The following ZNF594 variants were observed in gnomAD, a reference collection of about 807,000 sequenced individuals.
ZNF594 encodes the protein zinc finger protein 594.
For synonymous variants in ZNF594, 336 were observed against 309.4 expected (o/e 1.09, Z -0.90); for missense variants, 1,037 against 964.6 (o/e 1.08, Z -0.99).
chr17:5,182,291 C>T lies in ZNF594; in HGVS notation c.1966G>A (p.Glu656Lys). Residue 656 changes from glutamate (E) to lysine (K), a missense_variant, in exon 2 of 2, where the codon GAA becomes AAA. Coordinates refer to ENST00000575779, the MANE Select transcript of ZNF594 (RefSeq NM_032530.2). ...CTCTGGCTGAAGGCTTTCCCACATT[C>T]ACTACATTCATAGGGTTTCTCTCCA... is the stretch of plus-strand genomic sequence containing the variant. Reference protein sequence around the residue: ...HTGEKPYECSECGKAFSQRSH... With the variant: ...HTGEKPYECSKCGKAFSQRSH... 1.2e-6 allele frequency: 2 copies of T among 1,613,608 alleles called. No individual in the cohort carries two copies. Among genetic ancestry groups the T allele is most frequent in the Non-Finnish European group, 8.5e-7 (1 of 1,179,974 alleles).
At position 5,182,377 on chromosome 17, in the gene ZNF594, T is replaced by C. The variant is rs1437213746; in HGVS notation, c.1880A>G (p.Asn627Ser). Residue 627 changes from asparagine to serine, a missense_variant, in exon 2 of 2, where the codon AAC (asparagine) becomes AGC (serine). Transcript: ENST00000575779. ...ACCCCTAAAAGATTTCCCACATTTG[T>C]TGCATACATAAGGTTTTTCTCCACT... ...IHSGEKPYVC[N>S]KCGKSFRGSS... 13 of 1,613,514 alleles carry C rather than the reference T, an allele frequency of 8.1e-6. No homozygotes were observed. The highest frequency in any genetic ancestry group is 8.5e-6 in the Non-Finnish European group (10 of 1,179,942).
chr17:5,182,558 C>A lies in ZNF594; in HGVS notation c.1699G>T (p.Ala567Ser), dbSNP rs2144243479. 1 of 1,613,670 alleles carries A rather than the reference C, an allele frequency of 6.2e-7. No homozygotes were observed. The highest frequency in any genetic ancestry group is 2.2e-5 in the East Asian group (1 of 44,798). The change falls in exon 2 of 2, where the codon GCT becomes TCT. Residue 567 changes from alanine (A) to serine (S), a missense_variant. Ala to Ser is a moderately conservative substitution (Grantham distance 99). Coordinates refer to ENST00000575779, the MANE Select transcript of ZNF594 (RefSeq NM_032530.2). The part of the protein sequence containing the change: ...GEQKIHQEAK[A>S]YWCNQCGRAF... ...CTACCACACTGATTACACCAATAAG[C>A]TTTCGCTTCCTGGTGAATTTTCTGC...
At position 5,180,611 on chromosome 17, in the gene ZNF594, G is replaced by A. The variant is rs534738131; in HGVS notation, c.*1222C>T. 8.1e-4 allele frequency: 155 copies of A among 192,442 alleles called. No homozygotes were observed. Among genetic ancestry groups the A allele is most frequent in the African/African-American group, 3.5e-3 (147 of 41,836 alleles). 11.9% of individuals were successfully genotyped at this position (192,442 alleles called of 1,614,324 possible). ...CCTTTGGGAGGCTGAGGAGGGAGGA[G>A]TGCTTGAGCCCAAGAGTTCAAGTCC... On this transcript the variant is annotated 3_prime_UTR_variant, in exon 2 of 2. Transcript: ENST00000575779.
In ZNF594 at chr17:5,181,817, T is replaced by C. The variant is rs2074343252; in HGVS notation, c.*16A>G. On this transcript the variant is annotated 3_prime_UTR_variant, in exon 2 of 2. Coordinates refer to ENST00000575779, the MANE Select transcript of ZNF594 (RefSeq NM_032530.2). ...CACATTTATTGCATACGTAAGGTTT[T>C]TCTCCACTGTGAATTCTATGATGTC... 6.2e-7 allele frequency: 1 copy of C among 1,614,024 alleles called. No homozygotes were observed. The highest frequency in any genetic ancestry group is 1.6e-4 in the Middle Eastern group (1 of 6,062).
intron 1 of ZNF594, among the ~76,000 whole-genome samples, chr17:5,187,675 C>T (rs547218990): frequency 1.4e-4 from 21 of 152,212 alleles, no homozygotes; most frequent in African/African-American, 7.2e-5. Flanking sequence ...GCCCTAGCTT[C>T]GTCATCTATA....
In ZNF594 at chr17:5,184,231, T is replaced by G. The variant is rs565892083; in HGVS notation, c.26A>C (p.Glu9Ala). Residue 9 changes from glutamate (E) to alanine (A), a missense_variant, in exon 2 of 2, where the codon GAA becomes GCA. Coordinates refer to ENST00000575779, the MANE Select transcript of ZNF594 (RefSeq NM_032530.2). MKEWKSKMEISEEKKSARA... is the reference protein window; with the variant it reads MKEWKSKMAISEEKKSARA... ...TGCTGACTTCTTTTCTTCAGAAATT[T>G]CCATCTTTGATTTCCATTCCTTCAT... 19 of 1,613,036 alleles carry G rather than the reference T, an allele frequency of 1.2e-5. No homozygotes were observed. In the African/African-American group the frequency reaches 2.1e-4, roughly 18 times the overall value.
In ZNF594 at chr17:5,181,807, CG is replaced by C. The variant is rs766366553; in HGVS notation, c.*25del. The C allele has an allele frequency of 2.5e-5, 41 of 1,613,668 alleles. No homozygotes were observed. The Admixed American group carries it at 6.8e-4, about 27-fold the overall frequency. On this transcript the variant is annotated 3_prime_UTR_variant, in exon 2 of 2. Coordinates refer to ENST00000575779, the MANE Select transcript of ZNF594 (RefSeq NM_032530.2). Reference sequence around the variant, plus strand: ...AAAGATTCCCCACATTTATTGCATACGTAAGGTTTTTCTCCACTGTGAATTC... The same window carrying C: ...AAAGATTCCCCACATTTATTGCATACTAAGGTTTTTCTCCACTGTGAATTC...
In ZNF594 at chr17:5,182,197, T is replaced by G. The variant is rs1156548169; in HGVS notation, c.2060A>C (p.Asn687Thr). The change falls in exon 2 of 2, where the codon AAT (asparagine) becomes ACT (threonine). Residue 687 changes from asparagine to threonine, a missense_variant. Coordinates refer to ENST00000575779, the MANE Select transcript of ZNF594 (RefSeq NM_032530.2). The part of the protein sequence containing the change: ...EKPYQCSECG[N>T]AFRRRSLLIQ... ...AAGGAGGGAACGCCGCCTGAAGGCATTCCCACATTCACTGCACTGATAGGG... is the reference window on the plus strand; with the variant it reads ...AAGGAGGGAACGCCGCCTGAAGGCAGTCCCACATTCACTGCACTGATAGGG... 6.2e-7 allele frequency: 1 copy of G among 1,613,490 alleles called. No homozygotes were observed. The highest frequency in any genetic ancestry group is 2.2e-5 in the East Asian group (1 of 44,872).
At chr17:5,177,197 TA>T (rs79095133), downstream of ZNF594, among the ~76,000 whole-genome samples, 1,597 of 106,036 alleles carry the variant, frequency 0.015, 20 homozygotes, top group East Asian at 0.045. Context: ...CTCTGTCTCA[TA>T]AAAAAAAAAA....
At chr17:5,175,767 C>T (rs1294576915), downstream of ZNF594, among the ~76,000 whole-genome samples, 22 of 151,804 alleles carry the variant, frequency 1.4e-4, no homozygotes. Flanking sequence ...ACCAGAGATG[C>T]CCCTTGTTGT....
rs965031754 is a variant in ZNF594 at position 5,188,902 on chromosome 17, T to C, written c.-21+2846A>G. ...AGCTGGGACTACAGGCGCCCACCAGTACGCCCAGCTAATTTTTTGTACTTT... is the reference window on the plus strand; with the variant it reads ...AGCTGGGACTACAGGCGCCCACCAGCACGCCCAGCTAATTTTTTGTACTTT... On this transcript the variant is annotated intron_variant, in intron 1 of 1. Coordinates refer to ENST00000575779, the MANE Select transcript of ZNF594 (RefSeq NM_032530.2). Among the ~76,000 whole-genome samples, 209 of 151,580 alleles carry C rather than the reference T, an allele frequency of 1.4e-3. 1 individual carries two copies. Among genetic ancestry groups the C allele is most frequent in the Middle Eastern group, 3.4e-3 (1 of 294 alleles).
Position 5,180,994 on chromosome 17 carries a change from T to C in ZNF594, c.*839A>G, listed in dbSNP as rs1252662907. ...TTACAGTCTTCAAATTCCTTTCCAA[T>C]GTGAAGTTTCTGGTGCTTAAGAAAA... is the stretch of plus-strand genomic sequence containing the variant. On this transcript the variant is annotated 3_prime_UTR_variant, in exon 2 of 2. Coordinates refer to ENST00000575779, the MANE Select transcript of ZNF594 (RefSeq NM_032530.2). The C allele has an allele frequency of 4.0e-6, 3 of 749,884 alleles. No homozygotes were observed. The highest frequency in any genetic ancestry group is 5.3e-5 in the East Asian group (2 of 37,608). 46.5% of individuals were successfully genotyped at this position (749,884 alleles called of 1,614,324 possible). A position where few individuals can be genotyped will look rare whatever the true frequency, so the allele number is the denominator to read the frequency against.
At chr17:5,187,233 T>G (rs1341204140) in intron 1 of ZNF594, among the ~76,000 whole-genome samples, 1 of 152,158 alleles carries the variant, frequency 6.6e-6, no homozygotes, top group Non-Finnish European at 1.5e-5. Flanking sequence ...TCTTACATTG[T>G]GGTGGCAAGA....
intron 1 of ZNF594, among the ~76,000 whole-genome samples, chr17:5,187,944 C>T (rs2074396547): frequency 6.8e-6 from 1 of 146,098 alleles, no homozygotes; most frequent in African/African-American, 2.5e-5. Flanking sequence ...GCTGGTCTCA[C>T]ACTCCTGGGC....
chr17:5,187,685 A>G (rs2074394098), intron 1 of ZNF594, among the ~76,000 whole-genome samples: 1 of 152,214 alleles, frequency 6.6e-6, no homozygotes, highest in African/African-American at 2.4e-5. Context: ...CGTCATCTAT[A>G]AAATGGAGAT....
chr17:5,174,943 TTATC>T (rs2074293490), downstream of ZNF594: 1 of 190,124 alleles, frequency 5.3e-6, no homozygotes, highest in African/African-American at 2.3e-5. Context: ...GTGTACCTGT[TTATC>T]TGTTAACTAT....
At chr17:5,175,770 CTTG>C (rs895167131), downstream of ZNF594, among the ~76,000 whole-genome samples, 57 of 152,054 alleles carry the variant, frequency 3.7e-4, no homozygotes, top group African/African-American at 1.3e-3. Context: ...AGAGATGCCC[CTTG>C]TTGTCTGTCT....
the ZNF594 span, chr17:5,174,093 T>G: frequency 9.7e-6 from 2 of 205,566 alleles, no homozygotes; most frequent in African/African-American, 4.6e-5. Context: ...TTTGTTTGCA[T>G]GTCCACTGGT....
chr17:5,186,952 C>T (rs1413062669), intron 1 of ZNF594, among the ~76,000 whole-genome samples: 1 of 152,234 alleles, frequency 6.6e-6, no homozygotes, highest in Non-Finnish European at 1.5e-5. Flanking sequence ...CTCAACAAGT[C>T]TCTAGAAGTT....
Sources: gnomAD v4.1 joint callset for allele counts (sites outside exome capture counted in the v4.1 genomes callset) on GRCh38, gnomAD v4.1.1 for gene constraint, MANE v1.5 for transcripts, NCBI Gene and HGNC (gene_info 2026-07-23, HGNC 2026-07-21) for gene names.